CFAP69: variants seen among roughly 807,000 people sequenced by gnomAD.
CFAP69 encodes the protein cilia- and flagella-associated protein 69.
Under a neutral mutation model 123.0 loss-of-function variants are expected in CFAP69, and 92 were observed. The observed-to-expected ratio is 0.75, with a 90% CI of 0.63 to 0.89. The LOEUF (loss-of-function observed/expected upper bound fraction) is 0.89. Ranked by LOEUF, CFAP69 falls within the 40% of genes least tolerant of loss-of-function variation. CFAP69 has a pLI of 0.00. For missense variants in CFAP69, 1,067 were observed against 1,096.9 expected (o/e 0.97, Z 0.39); for synonymous variants, 380 against 364.3 (o/e 1.04, Z -0.49).
intron 16 of CFAP69, 121 bp downstream of exon 16, chr7:90,297,951 G>A: frequency 1.5e-6 from 1 of 653,184 alleles, no homozygotes; most frequent in South Asian, 2.0e-5. Flanking sequence ...ATGTTCAAAG[G>A]TACGGTCTTA....
At chr7:90,251,022 G>A (rs901489808) in intron 1 of CFAP69, among the ~76,000 whole-genome samples, 7 of 151,996 alleles carry the variant, frequency 4.6e-5, no homozygotes, top group African/African-American at 1.7e-4. Flanking sequence ...AAGGCCCAAA[G>A]TTACAATCTA....
rs1799989660 is a variant in CFAP69, at chr7:90,271,788, T to C, written c.690T>C (p.Asn230=). ...TTTAAAATTTATTTTCAGAAGTTAA[T>C]TGTACTATAATGATGAAAGCACAAG... ...VLQHLSTSEV[N]CTIMMKAQAA... Residue 230 remains asparagine, a synonymous_variant, in exon 8 of 23, where the codon AAT becomes AAC. Transcript: ENST00000389297. 6.4e-7 allele frequency: 1 copy of C among 1,572,938 alleles called. No homozygotes were observed. The highest frequency in any genetic ancestry group is 1.9e-5 in the Admixed American group (1 of 53,210).
chr7:90,252,026 A>C (rs1031832349), intron 1 of CFAP69: 1 of 152,064 alleles, frequency 6.6e-6, no homozygotes. Flanking sequence ...CTTAAAAAAA[A>C]AAATCCTGCA....
At chr7:90,255,293 C>T in intron 1 of CFAP69, 130 bp from the exon 2 acceptor site, 1 of 603,560 alleles carries the variant, frequency 1.7e-6, no homozygotes, top group African/African-American at 1.9e-5. Context: ...GTTCATTCTC[C>T]CCTTACTATC....
At chr7:90,297,036 A>T (rs892813309) in intron 15 of CFAP69, among the ~76,000 whole-genome samples, 7 of 152,180 alleles carry the variant, frequency 4.6e-5, no homozygotes, top group African/African-American at 1.7e-4. Context: ...CAGAATGTAG[A>T]TTTTCCCTAG....
In CFAP69 at chr7:90,277,290, T is replaced by G; in HGVS notation, c.1111T>G (p.Phe371Val). 1 of 1,592,546 alleles carries G rather than the reference T, an allele frequency of 6.3e-7. No individual in the cohort carries two copies. Among genetic ancestry groups the G allele is most frequent in the Non-Finnish European group, 8.5e-7 (1 of 1,170,190 alleles). Residue 371 changes from phenylalanine (F) to valine (V), a missense_variant, in exon 11 of 23, where the codon TTC becomes GTC. Physicochemically the swap from Phe to Val is conservative, Grantham distance 50 (BLOSUM62 -1). Coordinates refer to ENST00000389297, the MANE Select transcript of CFAP69 (RefSeq NM_001039706.3). ...YEDFELKKLL[F>V]NVIVILCKDL... Reference sequence around the variant, plus strand: ...AGATTTTGAGTTGAAGAAATTACTATTCAACGTAATTGTGATCTTATGTAA... The same window carrying G: ...AGATTTTGAGTTGAAGAAATTACTAGTCAACGTAATTGTGATCTTATGTAA...
chr7:90,271,752 C>T (rs1799984840), intron 7 of CFAP69, 29 bp from the exon 8 acceptor site: 1 of 1,580,822 alleles, frequency 6.3e-7, no homozygotes, highest in African/African-American at 1.4e-5. Flanking sequence ...TATTGTAAAG[C>T]ACAAATAATT....
Position 90,274,081 on chromosome 7 carries a change from A to G in CFAP69, c.955A>G (p.Ile319Val), listed in dbSNP as rs892440744. 2.5e-6 allele frequency: 4 copies of G among 1,600,186 alleles called. No individual in the cohort carries two copies. Among genetic ancestry groups the G allele is most frequent in the Non-Finnish European group, 3.4e-6 (4 of 1,175,910 alleles). ...TGACATATTAGTGATCACTACAATT[A>G]TAGCTCAAAATCCTGAAGCACCAAT... ...RNDILVITTI[I>V]AQNPEAPMIE... The change falls in exon 9 of 23, where the codon ATA becomes GTA. Residue 319 changes from isoleucine (I) to valine (V), a missense_variant. Ile to Val is a conservative substitution (Grantham distance 29). Coordinates refer to ENST00000389297, the MANE Select transcript of CFAP69 (RefSeq NM_001039706.3).
rs754248972 is a variant in CFAP69, at chr7:90,245,405, C to T, written c.-20C>T. 2.6e-6 allele frequency: 4 copies of T among 1,535,312 alleles called. No homozygotes were observed. The highest frequency in any genetic ancestry group is 3.5e-6 in the Non-Finnish European group (4 of 1,143,012). ...TAGGACAGGAAGATCCCCCCACTCT[C>T]CACCCCGCCGCCACCGGCCATGTGG... On this transcript the variant is annotated 5_prime_UTR_variant, in exon 1 of 23. Coordinates refer to ENST00000389297, the MANE Select transcript of CFAP69 (RefSeq NM_001039706.3).
downstream of CFAP69, among the ~76,000 whole-genome samples, chr7:90,311,298 C>T (rs1191438240): frequency 1.3e-5 from 2 of 152,108 alleles, no homozygotes. Context: ...GTCCAGGAAT[C>T]AGAGAGACAA....
At chr7:90,266,455 T>C (rs1209604875) in intron 5 of CFAP69, among the ~76,000 whole-genome samples, 1 of 152,182 alleles carries the variant, frequency 6.6e-6, no homozygotes, top group Non-Finnish European at 1.5e-5. Context: ...AAAGAGGACA[T>C]GGTAGTATTA....
downstream of CFAP69, among the ~76,000 whole-genome samples, chr7:90,315,695 C>T (rs888542388): frequency 6.6e-6 from 1 of 152,150 alleles, no homozygotes; most frequent in Non-Finnish European, 1.5e-5. Flanking sequence ...GTACAACAAA[C>T]CCCCGTGAAA....
At chr7:90,316,813 A>G in the CFAP69 span, 3 of 152,198 alleles carry the variant, frequency 2.0e-5, no homozygotes, top group Admixed American at 2.0e-4. Context: ...TTTGCCATTA[A>G]CTGGAAGACT....
intron 1 of CFAP69, among the ~76,000 whole-genome samples, chr7:90,254,204 T>G (rs1488324668): frequency 1.1e-4 from 16 of 152,140 alleles, no homozygotes; most frequent in Admixed American, 9.8e-4. Flanking sequence ...ATGTGTGTGT[T>G]TTTATGCCAG....
chr7:90,280,884 G>A (rs1398664518), intron 12 of CFAP69, among the ~76,000 whole-genome samples: 1 of 152,074 alleles, frequency 6.6e-6, no homozygotes, highest in Non-Finnish European at 1.5e-5. Flanking sequence ...AAAAATGATA[G>A]GCTTTTTATT....
chr7:90,298,666 A>C (rs931173250), intron 16 of CFAP69, among the ~76,000 whole-genome samples: 7 of 152,178 alleles, frequency 4.6e-5, no homozygotes, highest in Admixed American at 6.6e-5. Flanking sequence ...TAACAACATT[A>C]TATATCTTAT....
At chr7:90,308,409 A>G (rs1169242390) in intron 21 of CFAP69, among the ~76,000 whole-genome samples, 1 of 152,170 alleles carries the variant, frequency 6.6e-6, no homozygotes, top group Non-Finnish European at 1.5e-5. Flanking sequence ...TGTGAGAAAC[A>G]CCATGGATTT....
At chr7:90,307,970 G>A (rs1405205777) in intron 21 of CFAP69, 116 bp downstream of exon 21, 13 of 599,370 alleles carry the variant, frequency 2.2e-5, no homozygotes, top group Non-Finnish European at 3.7e-5. Context: ...TACAATACCA[G>A]CACTATTAGA....
At chr7:90,270,813 G>C (rs1799836754) in intron 6 of CFAP69, among the ~76,000 whole-genome samples, 1 of 152,044 alleles carries the variant, frequency 6.6e-6, no homozygotes, top group Admixed American at 6.6e-5. Flanking sequence ...ATGTAATTAG[G>C]TATACCTGCA....
Sources: gnomAD v4.1 joint callset for allele counts (sites outside exome capture counted in the v4.1 genomes callset) on GRCh38, gnomAD v4.1.1 for gene constraint, MANE v1.5 for transcripts, NCBI Gene and HGNC (gene_info 2026-07-23, HGNC 2026-07-21) for gene names.